TENM1: variants seen among roughly 807,000 people sequenced by gnomAD.
The protein encoded by TENM1 is teneurin-1.
A neutral mutation model predicts 174.8 loss-of-function variants in TENM1; 35 were observed. That is an observed-to-expected ratio of 0.20 (90% CI 0.15 to 0.27). The LOEUF (loss-of-function observed/expected upper bound fraction) is 0.27, where lower values mean the gene tolerates loss of function less well. Ranked by LOEUF, TENM1 falls within the 10% of genes least tolerant of loss-of-function variation. The pLI is 1.00. For missense variants in TENM1, 1,633 were observed against 2,130.1 expected, an observed-to-expected ratio of 0.77 and a Z score of 4.59; for synonymous variants, 781 against 798.7, an observed-to-expected ratio of 0.98 and a Z score of 0.37.
At chrX:124,382,938 C>CTATTTACTTATT (rs2060175808) in intron 30 of TENM1, 126 bp from the exon 34 acceptor site, 1 of 136,679 alleles carries the variant, frequency 7.3e-6, no homozygotes, top group African/African-American at 3.7e-5. Context: ...AATAAAACTC[C>CTATTTACTTATT]TATTTATTTA....
chrX:125,069,593 C>T, the TENM1 span, among the ~76,000 whole-genome samples: 184 of 109,815 alleles, frequency 1.7e-3, no homozygotes, highest in African/African-American at 5.9e-3. Context: ...CACTCCGGGG[C>T]CTGTTGGGGG....
intron 20 of TENM1, among the ~76,000 whole-genome samples, chrX:124,489,408 A>T (rs2047018502): frequency 8.9e-6 from 1 of 112,023 alleles, no homozygotes; most frequent in South Asian, 3.7e-4. Flanking sequence ...CCCTTCTAAA[A>T]TGTGTAATTC....
the TENM1 span, among the ~76,000 whole-genome samples, chrX:125,093,266 G>A: frequency 9.0e-6 from 1 of 111,185 alleles, no homozygotes. Flanking sequence ...TAGCGGCATG[G>A]GTCCTCTCCT....
the TENM1 span, among the ~76,000 whole-genome samples, chrX:125,097,501 A>G: frequency 8.9e-6 from 1 of 112,345 alleles, no homozygotes; most frequent in Non-Finnish European, 1.9e-5. Flanking sequence ...GTAAAGCAAC[A>G]CAAAGCATTT....
chrX:125,037,849 C>A, the TENM1 span, among the ~76,000 whole-genome samples: 7 of 111,833 alleles, frequency 6.3e-5, no homozygotes, highest in Admixed American at 9.5e-5. Context: ...GTGCACCACA[C>A]TTCCCTAGTT....
intron 6 of TENM1, among the ~76,000 whole-genome samples, chrX:124,670,081 T>C (rs965818867): frequency 8.9e-6 from 1 of 112,083 alleles, no homozygotes; most frequent in Non-Finnish European, 1.9e-5. Context: ...ACCTTCATGA[T>C]ATAATCCATG....
chrX:125,123,483 C>T, the TENM1 span, among the ~76,000 whole-genome samples: 1 of 109,963 alleles, frequency 9.1e-6, no homozygotes, highest in African/African-American at 3.3e-5. Context: ...GTGGTGTGCA[C>T]CTGTGGTCCC....
intron 11 of TENM1, among the ~76,000 whole-genome samples, chrX:124,577,144 G>A (rs2858419): frequency 0.24 from 26,904 of 110,837 alleles, 2,428 homozygotes; most frequent in South Asian, 0.41. Flanking sequence ...GCTTTAGAAC[G>A]CTAACTCTAA....
intron 3 of TENM1, among the ~76,000 whole-genome samples, chrX:124,785,709 G>A (rs907474843): frequency 1.8e-5 from 2 of 112,038 alleles, no homozygotes; most frequent in African/African-American, 3.2e-5. Flanking sequence ...TGTAACAAGT[G>A]CTAAACAGAA....
At chrX:124,754,896 C>T in intron 3 of TENM1, among the ~76,000 whole-genome samples, 1 of 105,992 alleles carries the variant, frequency 9.4e-6, no homozygotes, top group East Asian at 2.9e-4. Flanking sequence ...CTGAGGAGAG[C>T]TTTACTTCCA....
At chrX:125,144,889 T>G in the TENM1 span, among the ~76,000 whole-genome samples, 6 of 108,910 alleles carry the variant, frequency 5.5e-5, no homozygotes, top group Non-Finnish European at 1.9e-5. Flanking sequence ...AGGCATCCCC[T>G]CCCCCACCAC....
chrX:124,774,513 T>G (rs1217045368), intron 3 of TENM1, among the ~76,000 whole-genome samples: 4 of 111,897 alleles, frequency 3.6e-5, no homozygotes, highest in Non-Finnish European at 7.5e-5. Flanking sequence ...TTTAAAAATC[T>G]GAGAATCTGA....
At chrX:124,776,402 G>A (rs754046216) in intron 3 of TENM1, among the ~76,000 whole-genome samples, 60 of 111,829 alleles carry the variant, frequency 5.4e-4, no homozygotes, top group Non-Finnish European at 8.3e-4. Flanking sequence ...AATACTGGAT[G>A]ATAATTACAT....
At chrX:124,486,485 C>T (rs757558325) in intron 21 of TENM1, among the ~76,000 whole-genome samples, 6 of 112,051 alleles carry the variant, frequency 5.4e-5, no homozygotes, top group Admixed American at 9.5e-5. Flanking sequence ...AGTGGCATTG[C>T]CCAAATGAAA....
At chrX:124,401,961 C>T (rs1274782811) in intron 27 of TENM1, among the ~76,000 whole-genome samples, 2 of 111,801 alleles carry the variant, frequency 1.8e-5, no homozygotes, top group African/African-American at 6.5e-5. Context: ...AGGAGTCAGG[C>T]CCTGCCAAGG....
intron 11 of TENM1, among the ~76,000 whole-genome samples, chrX:124,640,097 T>C (rs762184456): frequency 7.2e-5 from 8 of 110,555 alleles, no homozygotes; most frequent in South Asian, 3.9e-4. Flanking sequence ...TATATACATA[T>C]AACCTCTATA....
the TENM1 span, among the ~76,000 whole-genome samples, chrX:124,994,399 T>C: frequency 9.2e-6 from 1 of 108,948 alleles, no homozygotes. Context: ...ACAAAAGAAG[T>C]TTGCCAAGCC....
intron 3 of TENM1, among the ~76,000 whole-genome samples, chrX:124,772,474 C>T (rs976595418): frequency 2.7e-5 from 3 of 111,448 alleles, no homozygotes; most frequent in African/African-American, 6.5e-5. Flanking sequence ...TGGAATATTC[C>T]GGGGTAAGAT....
At chrX:124,431,152 T>C (rs2060774578) in intron 23 of TENM1, among the ~76,000 whole-genome samples, 1 of 112,259 alleles carries the variant, frequency 8.9e-6, no homozygotes, top group Non-Finnish European at 1.9e-5. Flanking sequence ...AAGTTAACAT[T>C]TATGGAAGTG....
Sources: allele counts gnomAD v4.1 joint callset (sites outside exome capture counted in the v4.1 genomes callset), GRCh38; gene constraint gnomAD v4.1.1; transcripts MANE v1.5; gene names NCBI Gene and HGNC (gene_info 2026-07-23, HGNC 2026-07-21).